Variants in PTPRD observed in about 807,000 individuals in gnomAD.
PTPRD encodes receptor-type tyrosine-protein phosphatase delta.
PTPRD carries 34 observed loss-of-function variants against 214.5 expected under a neutral mutation model. The ratio of observed to expected loss-of-function variants is 0.16; its 90% confidence interval spans 0.12 to 0.21. The LOEUF is 0.21. Ranked by LOEUF, PTPRD falls within the 10% of genes least tolerant of loss-of-function variation. The pLI, the probability that PTPRD is intolerant of heterozygous loss-of-function variation, is 1.00. For missense variants in PTPRD, 2,545 were observed against 2,398.7 expected (o/e 1.06, Z -1.27); for synonymous variants, 1,128 against 845.7 (o/e 1.33, Z -5.79).
chr9:10,463,961 G>C (rs984140319), intron 2 of PTPRD, among the ~76,000 whole-genome samples: 1 of 152,070 alleles, frequency 6.6e-6, no homozygotes, highest in Non-Finnish European at 1.5e-5. Context: ...TCTGTACATG[G>C]ACATTCATTA....
chr9:9,365,535 T>C (rs992728700), intron 9 of PTPRD, among the ~76,000 whole-genome samples: 3 of 151,608 alleles, frequency 2.0e-5, no homozygotes, highest in Admixed American at 6.6e-5. Context: ...GAGGTAGTTC[T>C]ATAAAATTCC....
chr9:9,876,496 T>A (rs2066905295), intron 5 of PTPRD, among the ~76,000 whole-genome samples: 1 of 152,104 alleles, frequency 6.6e-6, no homozygotes, highest in Non-Finnish European at 1.5e-5. Context: ...AAAAAAAAAC[T>A]GTTTTAACAA....
intron 3 of PTPRD, among the ~76,000 whole-genome samples, chr9:10,320,641 C>G (rs2096536791): frequency 6.6e-6 from 1 of 152,000 alleles, no homozygotes; most frequent in African/African-American, 2.4e-5. Flanking sequence ...TAAAATTCAA[C>G]TAATGCTATT....
rs573793946 is a variant in PTPRD at position 9,411,079 on chromosome 9, A to G, written c.-236-13597T>C. On this transcript the variant is annotated intron_variant, in intron 8 of 45. Transcript: ENST00000381196. ...TGTGTGTGTGTGTTGGACTAGAAAAATAAATATGCCATTAACCTGAAAAAG... is the reference window on the plus strand; with the variant it reads ...TGTGTGTGTGTGTTGGACTAGAAAAGTAAATATGCCATTAACCTGAAAAAG... Among the ~76,000 whole-genome samples the G allele has an allele frequency of 3.9e-5, 6 of 152,264 alleles. No homozygotes were observed. In the East Asian group the frequency reaches 1.2e-3, roughly 29 times the overall value.
At chr9:9,953,924 T>C (rs1428996996) in intron 4 of PTPRD, among the ~76,000 whole-genome samples, 2 of 152,058 alleles carry the variant, frequency 1.3e-5, no homozygotes, top group Non-Finnish European at 2.9e-5. Flanking sequence ...AAAGGGAGGA[T>C]TTCTTTGCTG....
At chr9:8,329,609 G>GCCCACAGCTGC (rs796970074) in intron 44 of PTPRD, among the ~76,000 whole-genome samples, 17 of 152,256 alleles carry the variant, frequency 1.1e-4, no homozygotes, top group African/African-American at 4.1e-4. Context: ...CTGAAGCTGT[G>GCCCACAGCTGC]CCCACAGCTG....
chr9:9,706,924 A>C (rs781612595), intron 7 of PTPRD, among the ~76,000 whole-genome samples: 1 of 152,180 alleles, frequency 6.6e-6, no homozygotes, highest in East Asian at 1.9e-4. Flanking sequence ...AGTCTGAAAA[A>C]TCTTGCATCC....
At chr9:9,102,930 G>C (rs535993366) in intron 10 of PTPRD, among the ~76,000 whole-genome samples, 2 of 152,240 alleles carry the variant, frequency 1.3e-5, no homozygotes, top group South Asian at 4.2e-4. Flanking sequence ...TTGTTTTCTT[G>C]CAAATAGAAA....
chr9:8,517,951 G>T lies in PTPRD; in HGVS notation c.1440C>A (p.Gly480=). ...NVADSQITTI[G]NLVPQKTYSV... ...AATATGTTTTCTGGGGCACTAAGTT[G>T]CCAATAGTAGTGATTTGGCTGTCAG... Residue 480 remains glycine (G), a synonymous_variant, in exon 21 of 46, where the codon GGC becomes GGA. Coordinates refer to ENST00000381196, the MANE Select transcript of PTPRD (RefSeq NM_002839.4). 6.2e-7 allele frequency: 1 copy of T among 1,614,142 alleles called. No homozygotes were observed. Among genetic ancestry groups the T allele is most frequent in the Non-Finnish European group, 8.5e-7 (1 of 1,179,990 alleles).
chr9:9,827,038 T>C (rs1333631638), intron 5 of PTPRD, among the ~76,000 whole-genome samples: 5 of 152,156 alleles, frequency 3.3e-5, no homozygotes, highest in African/African-American at 9.7e-5. Context: ...TCCATGCTCA[T>C]GGATAAGAAG....
intron 2 of PTPRD, among the ~76,000 whole-genome samples, chr9:10,464,524 G>A (rs2098980775): frequency 6.6e-6 from 1 of 151,026 alleles, no homozygotes; most frequent in Non-Finnish European, 1.5e-5. Context: ...GAGAACGAAA[G>A]ATAAATTCTG....
At chr9:8,799,366 G>C (rs1406851163) in intron 11 of PTPRD, among the ~76,000 whole-genome samples, 1 of 152,208 alleles carries the variant, frequency 6.6e-6, no homozygotes, top group Non-Finnish European at 1.5e-5. Context: ...TCATTAAAGA[G>C]AACTGCCTCA....
At chr9:9,741,101 C>A (rs1296349275) in intron 6 of PTPRD, among the ~76,000 whole-genome samples, 1 of 152,008 alleles carries the variant, frequency 6.6e-6, no homozygotes, top group African/African-American at 2.4e-5. Context: ...CTAAAACAAA[C>A]CAATATGAGG....
chr9:9,122,149 TCTGGTTTC>T (rs1260391564), intron 10 of PTPRD, among the ~76,000 whole-genome samples: 2 of 152,136 alleles, frequency 1.3e-5, no homozygotes, highest in Non-Finnish European at 2.9e-5. Context: ...CTCAGTGATA[TCTGGTTTC>T]CTGAGATCTT....
intron 8 of PTPRD, among the ~76,000 whole-genome samples, chr9:9,551,426 T>C (rs915400441): frequency 1.6e-4 from 25 of 152,016 alleles, no homozygotes; most frequent in Non-Finnish European, 1.3e-4. Flanking sequence ...ATTGATTATA[T>C]TTAATTTTAC....
At chr9:9,126,078 G>C (rs1460081991) in intron 10 of PTPRD, among the ~76,000 whole-genome samples, 1 of 152,160 alleles carries the variant, frequency 6.6e-6, no homozygotes, top group Non-Finnish European at 1.5e-5. Flanking sequence ...TACCCTGTTG[G>C]TGGTGCCAGA....
rs902542717 is a variant in PTPRD at position 8,556,006 on chromosome 9, T to C, written c.353-27227A>G. 1.1e-4 allele frequency among the ~76,000 whole-genome samples: 16 copies of C among 152,294 alleles called. No individual in the cohort carries two copies. The East Asian group carries it at 2.9e-3, about 28-fold the overall frequency. On this transcript the variant is annotated intron_variant, in intron 14 of 45. Transcript: ENST00000381196. ...AACAAGGACAGATGGATGTAAAAAATGTGTCTTGGCGGATCTGGAAAGAGC... is the reference window on the plus strand; with the variant it reads ...AACAAGGACAGATGGATGTAAAAAACGTGTCTTGGCGGATCTGGAAAGAGC...
chr9:10,009,828 T>C (rs1042171065), intron 4 of PTPRD, among the ~76,000 whole-genome samples: 3 of 151,990 alleles, frequency 2.0e-5, no homozygotes, highest in Admixed American at 1.3e-4. Flanking sequence ...TGTAACGCTA[T>C]ACTAGAGTCT....
At chr9:8,731,022 G>A (rs941077123) in intron 12 of PTPRD, among the ~76,000 whole-genome samples, 9 of 152,170 alleles carry the variant, frequency 5.9e-5, no homozygotes, top group Admixed American at 4.6e-4. Flanking sequence ...ATTTTAAACT[G>A]GCAATGGCAA....
Sources: gnomAD v4.1 joint callset for allele counts (sites outside exome capture counted in the v4.1 genomes callset) on GRCh38, gnomAD v4.1.1 for gene constraint, MANE v1.5 for transcripts, NCBI Gene and HGNC (gene_info 2026-07-23, HGNC 2026-07-21) for gene names.